POLR3E: variants seen among roughly 807,000 people sequenced by gnomAD.
POLR3E encodes DNA-directed RNA polymerase III subunit RPC5.
A neutral mutation model predicts 96.6 loss-of-function variants in POLR3E; 41 were observed. That is an observed-to-expected ratio of 0.42 (90% confidence interval 0.33 to 0.55). POLR3E has a LOEUF of 0.55. Among genes scored for constraint, POLR3E ranks in the 20% least tolerant of loss-of-function variants. The pLI is 0.06. For missense variants in POLR3E, 849 were observed against 952.1 expected, an observed-to-expected ratio of 0.89 and a Z score of 1.43; for synonymous variants, 396 against 383.6, an observed-to-expected ratio of 1.03 and a Z score of -0.38.
chr16:22,300,679 G>A (rs776244878), intron 1 of POLR3E, among the ~76,000 whole-genome samples: 3 of 152,192 alleles, frequency 2.0e-5, no homozygotes, highest in African/African-American at 2.4e-5. Context: ...CAGTCGAGAT[G>A]CACTGAAACT....
At chr16:22,303,470 G>C (rs919499498) in intron 2 of POLR3E, among the ~76,000 whole-genome samples, 3 of 151,970 alleles carry the variant, frequency 2.0e-5, no homozygotes, top group Admixed American at 1.3e-4. Context: ...TCCTTCCCAG[G>C]CTTACGCAGA....
At chr16:22,317,998 G>A (rs1884144532) in intron 12 of POLR3E, among the ~76,000 whole-genome samples, 1 of 152,044 alleles carries the variant, frequency 6.6e-6, no homozygotes, top group Non-Finnish European at 1.5e-5. Context: ...ACCTGGGCTC[G>A]TCCTTTGAGA....
chr16:22,298,059 T>C (rs921185120), intron 1 of POLR3E, among the ~76,000 whole-genome samples: 1 of 152,232 alleles, frequency 6.6e-6, no homozygotes, highest in Non-Finnish European at 1.5e-5. Flanking sequence ...CAGGGATTCC[T>C]CATTCATTTA....
In POLR3E at chr16:22,308,165, C is replaced by T; in HGVS notation, c.105C>T (p.Ala35=). The T allele has an allele frequency of 6.2e-7, 1 of 1,613,552 alleles. No homozygotes were observed. The highest frequency in any genetic ancestry group is 1.1e-5 in the South Asian group (1 of 91,070). ...CTCCCCAGTACCCTGTGCGTCCAGCCTCGATGACCTACGATGACATTCCGC... is the reference window on the plus strand; with the variant it reads ...CTCCCCAGTACCCTGTGCGTCCAGCTTCGATGACCTACGATGACATTCCGC... ...LYLFQYPVRP[A]SMTYDDIPHL... is the part of the protein sequence containing the mutation. The change falls in exon 4 of 21, where the codon GCC becomes GCT. Residue 35 remains alanine (A), a synonymous_variant. Coordinates refer to ENST00000299853, the MANE Select transcript of POLR3E (RefSeq NM_018119.4).
At chr16:22,310,886 C>T (rs1166873711) in intron 6 of POLR3E, among the ~76,000 whole-genome samples, 1 of 152,072 alleles carries the variant, frequency 6.6e-6, no homozygotes, top group African/African-American at 2.4e-5. Flanking sequence ...TCCGCCATTG[C>T]ACTCCAGCCT....
chr16:22,301,019 G>C (rs977614051), intron 1 of POLR3E, among the ~76,000 whole-genome samples: 3 of 151,960 alleles, frequency 2.0e-5, no homozygotes, highest in Non-Finnish European at 2.9e-5. Flanking sequence ...ACCTGCTATG[G>C]AGAAAACCAG....
intron 1 of POLR3E, among the ~76,000 whole-genome samples, chr16:22,297,914 C>T (rs79926351): frequency 0.063 from 9,651 of 152,318 alleles, 1,046 homozygotes; most frequent in African/African-American, 0.22. Flanking sequence ...GGCCTGACCA[C>T]CCGCGAGGGA....
chr16:22,320,109 A>G (rs1050279027), intron 13 of POLR3E, among the ~76,000 whole-genome samples: 4 of 152,138 alleles, frequency 2.6e-5, no homozygotes, highest in African/African-American at 9.7e-5. Context: ...CCCCATTCCA[A>G]TCTATTCAGA....
At chr16:22,314,844 G>C (rs1031006671) in intron 8 of POLR3E, 68 of 370,304 alleles carry the variant, frequency 1.8e-4, no homozygotes, top group African/African-American at 1.4e-3. Flanking sequence ...TGGCGCCTGG[G>C]ACTCTAATCC....
Position 22,334,449 on chromosome 16 carries a change from G to C in POLR3E, c.*749G>C, listed in dbSNP as rs1194025487. On this transcript the variant is annotated 3_prime_UTR_variant, in exon 21 of 21. Transcript: ENST00000299853. Reference sequence around the variant, plus strand: ...AATGCAAACACTAAACTAGCATCATGGTGCTATCTTCAAATGGTTACAGGA... The same window carrying C: ...AATGCAAACACTAAACTAGCATCATCGTGCTATCTTCAAATGGTTACAGGA... 2 of 152,172 alleles carry C rather than the reference G, an allele frequency of 1.3e-5. No homozygotes were observed. Among genetic ancestry groups the C allele is most frequent in the Non-Finnish European group, 2.9e-5 (2 of 68,042 alleles). 9.4% of individuals were successfully genotyped at this position (152,172 alleles called of 1,614,324 possible). A position where few individuals can be genotyped will look rare whatever the true frequency, so the allele number is the denominator to read the frequency against.
intron 20 of POLR3E, among the ~76,000 whole-genome samples, chr16:22,332,755 C>CTGTT (rs1166440468): frequency 2.6e-5 from 4 of 152,000 alleles, no homozygotes; most frequent in African/African-American, 9.7e-5. Flanking sequence ...GGAATATGAT[C>CTGTT]TGTTTACTAT....
chr16:22,298,614 T>C (rs1054334652), intron 1 of POLR3E, among the ~76,000 whole-genome samples: 5 of 152,166 alleles, frequency 3.3e-5, no homozygotes, highest in Non-Finnish European at 7.4e-5. Context: ...CACTTAACCA[T>C]ACTGCCGTTT....
Position 22,322,725 on chromosome 16 carries a change from T to C in POLR3E, c.987-125T>C. ...CAGATGTGGCTCCTAAGGGGAGGTC[T>C]TGGGGCTCAGGCCTGTACCCAGCCC... On this transcript the variant is annotated intron_variant, in intron 13 of 20. Transcript: ENST00000299853. This position sits in a 1 kb window ranked among gnomAD's most constrained non-coding sequence, Gnocchi z 5.2. 2 of 643,058 alleles carry C rather than the reference T, an allele frequency of 3.1e-6. No homozygotes were observed. The highest frequency in any genetic ancestry group is 3.6e-5 in the South Asian group (2 of 55,690). The allele number at this position is 643,058 out of a possible 1,614,324, so 39.8% of individuals were successfully genotyped here. A position where few individuals can be genotyped will look rare whatever the true frequency, so the allele number is the denominator to read the frequency against.
chr16:22,326,510 G>T (rs2048598524), intron 18 of POLR3E: 4 of 585,208 alleles, frequency 6.8e-6, no homozygotes, highest in South Asian at 5.9e-5. Context: ...GTGTCTGAAG[G>T]CCCGGCCTAT....
chr16:22,298,881 G>C (rs1002923676), intron 1 of POLR3E: 9 of 440,586 alleles, frequency 2.0e-5, no homozygotes, highest in African/African-American at 1.8e-4. Context: ...ACCAGCACTG[G>C]ATTTTTTTTT....
chr16:22,330,161 T>C (rs12918235), intron 19 of POLR3E, among the ~76,000 whole-genome samples: 12,037 of 152,180 alleles, frequency 0.079, 604 homozygotes, highest in South Asian at 0.15. Flanking sequence ...CCTCTTGCGT[T>C]CAAGCGATTC....
rs369618073 is a variant in POLR3E at position 22,328,518 on chromosome 16, C to T, written c.1875C>T (p.Pro625=). The part of the protein sequence containing the change: ...GCKQILVPFP[P]QTAASPDEQK... ...CCCTGGGCCTTGGTCAGTTTCCCCCCCAGACTGCTGCTTCCCCGGATGAGC... is the reference window on the plus strand; with the variant it reads ...CCCTGGGCCTTGGTCAGTTTCCCCCTCAGACTGCTGCTTCCCCGGATGAGC... The change falls in exon 19 of 21, where the codon CCC becomes CCT. Residue 625 remains proline, a synonymous_variant. Coordinates refer to ENST00000299853, the MANE Select transcript of POLR3E (RefSeq NM_018119.4). 5.6e-6 allele frequency: 9 copies of T among 1,613,874 alleles called. No individual in the cohort carries two copies. In the African/African-American group the frequency reaches 8.0e-5, roughly 14 times the overall value.
In POLR3E at chr16:22,333,712, AACT is replaced by A. The variant is rs2048792144; in HGVS notation, c.*17_*19del. On this transcript the variant is annotated 3_prime_UTR_variant, in exon 21 of 21. Coordinates refer to ENST00000299853, the MANE Select transcript of POLR3E (RefSeq NM_018119.4). ...CAGTACAGTCTTGACAATAGTAGCA[AACT>A]ACTAACCCAGCAAATCTAAGCCCAA... 3.2e-6 allele frequency: 5 copies of A among 1,586,364 alleles called. No homozygotes were observed. Among genetic ancestry groups the A allele is most frequent in the Non-Finnish European group, 4.3e-6 (5 of 1,154,566 alleles).
rs751866254 is a variant in POLR3E, at chr16:22,325,235, A to G, written c.1317A>G (p.Glu439=). The G allele has an allele frequency of 6.2e-7, 1 of 1,613,882 alleles. No individual in the cohort carries two copies. Among genetic ancestry groups the G allele is most frequent in the Admixed American group, 1.7e-5 (1 of 60,022 alleles). ...AAAAAGTCTATAATCTTGTAAAGGA[A>G]ACCATGCCAAAGAAGCCGGATGCAC... ...KLEKVYNLVK[E]TMPKKPDAQS... is the part of the protein sequence containing the mutation. Residue 439 remains glutamate (E), a synonymous_variant, in exon 17 of 21, where the codon GAA becomes GAG. Transcript: ENST00000299853.
Sources: allele counts gnomAD v4.1 joint callset (sites outside exome capture counted in the v4.1 genomes callset), GRCh38; gene constraint gnomAD v4.1.1; non-coding constraint Gnocchi (gnomAD v3.1); transcripts MANE v1.5; gene names NCBI Gene and HGNC (gene_info 2026-07-23, HGNC 2026-07-21).